Variants in ATP2B2 observed in about 807,000 individuals in gnomAD.
The protein encoded by ATP2B2 is plasma membrane calcium-transporting ATPase 2.
A neutral mutation model predicts 120.0 loss-of-function variants in ATP2B2; 15 were observed. That is an observed-to-expected ratio of 0.12 (90% confidence interval 0.08 to 0.19). The LOEUF (loss-of-function observed/expected upper bound fraction) is 0.19, where lower values mean the gene tolerates loss of function less well. Among genes scored for constraint, ATP2B2 ranks in the 10% least tolerant of loss-of-function variants. The pLI is 1.00. For synonymous variants in ATP2B2, 694 were observed against 700.3 expected, an observed-to-expected ratio of 0.99 and a Z score of 0.14; for missense variants, 1,045 against 1,719.8, an observed-to-expected ratio of 0.61 and a Z score of 6.94.
chr3:10,608,042 C>T (rs1283785640), intron 2 of ATP2B2, among the ~76,000 whole-genome samples: 1 of 152,254 alleles, frequency 6.6e-6, no homozygotes, highest in Non-Finnish European at 1.5e-5. Context: ...ATCCCTGACA[C>T]TTCCTTTTCC....
chr3:10,478,717 T>C (rs988770849), intron 1 of ATP2B2, among the ~76,000 whole-genome samples: 1 of 152,186 alleles, frequency 6.6e-6, no homozygotes, highest in African/African-American at 2.4e-5. Context: ...TTGAAACCCA[T>C]AATTTCCCTG....
At chr3:10,693,726 C>T (rs1268970535) in intron 1 of ATP2B2, among the ~76,000 whole-genome samples, 1 of 152,218 alleles carries the variant, frequency 6.6e-6, no homozygotes. Context: ...AATGCAAACT[C>T]CACGAGGACA....
At chr3:10,377,296 C>T (rs1439659086) in intron 10 of ATP2B2, among the ~76,000 whole-genome samples, 4 of 152,176 alleles carry the variant, frequency 2.6e-5, no homozygotes, top group Admixed American at 1.3e-4. Context: ...GCCTCAGAGC[C>T]GGCTCCATCC....
intron 1 of ATP2B2, among the ~76,000 whole-genome samples, chr3:10,481,584 C>T (rs528407778): frequency 3.3e-5 from 5 of 152,272 alleles, no homozygotes; most frequent in African/African-American, 4.8e-5. Flanking sequence ...GACACAGTCT[C>T]GCTCCGTTAC....
At chr3:10,578,484 T>A (rs1271373967) in intron 2 of ATP2B2, among the ~76,000 whole-genome samples, 1 of 150,622 alleles carries the variant, frequency 6.6e-6, no homozygotes, top group Admixed American at 6.6e-5. Flanking sequence ...GAGGTGGAGG[T>A]TGCAGTTAGC....
intron 1 of ATP2B2, among the ~76,000 whole-genome samples, chr3:10,497,147 C>T (rs950978960): frequency 6.6e-5 from 10 of 152,226 alleles, no homozygotes; most frequent in African/African-American, 9.7e-5. Flanking sequence ...AAGACAGAAA[C>T]GACTTCTAAT....
At chr3:10,537,276 T>A (rs894977986) in intron 2 of ATP2B2, among the ~76,000 whole-genome samples, 1 of 152,220 alleles carries the variant, frequency 6.6e-6, no homozygotes, top group South Asian at 2.1e-4. Context: ...GAGATTTTGA[T>A]AGAAATTGCA....
intron 2 of ATP2B2, among the ~76,000 whole-genome samples, chr3:10,617,292 G>C (rs1028290571): frequency 2.0e-5 from 3 of 152,106 alleles, no homozygotes; most frequent in Non-Finnish European, 2.9e-5. Context: ...CCACTCTCAG[G>C]GGTATAACAA....
intron 1 of ATP2B2, among the ~76,000 whole-genome samples, chr3:10,680,702 C>T (rs967160917): frequency 3.9e-5 from 6 of 152,206 alleles, no homozygotes; most frequent in African/African-American, 1.4e-4. Flanking sequence ...ACCTTTTACA[C>T]ATTCGTCCTG....
At chr3:10,609,896 C>A (rs1319667480) in intron 2 of ATP2B2, among the ~76,000 whole-genome samples, 1 of 152,084 alleles carries the variant, frequency 6.6e-6, no homozygotes, top group Non-Finnish European at 1.5e-5. Context: ...AGCTCCCTCT[C>A]TCCCATCCTC....
Position 10,342,620 on chromosome 3 carries a change from C to T in ATP2B2, c.2917+132G>A. 1 of 1,113,430 alleles carries T rather than the reference C, an allele frequency of 9.0e-7. No individual in the cohort carries two copies. The highest frequency in any genetic ancestry group is 1.3e-6 in the Non-Finnish European group (1 of 758,642). 69.0% of individuals were successfully genotyped at this position (1,113,430 alleles called of 1,614,324 possible). A position where few individuals can be genotyped will look rare whatever the true frequency, so the allele number is the denominator to read the frequency against. Reference sequence around the variant, plus strand: ...TGTGACCTTGGGCAACTTACTTGACCTCCCTGGGCCTCAATTTCCCCATTA... The same window carrying T: ...TGTGACCTTGGGCAACTTACTTGACTTCCCTGGGCCTCAATTTCCCCATTA... On this transcript the variant is annotated intron_variant, in intron 19 of 22. Coordinates refer to ENST00000360273, the MANE Select transcript of ATP2B2 (RefSeq NM_001001331.4). This position sits in a 1 kb window ranked among gnomAD's most constrained non-coding sequence, Gnocchi z 4.4.
chr3:10,378,031 G>A (rs1055981302), intron 10 of ATP2B2, among the ~76,000 whole-genome samples: 2 of 152,242 alleles, frequency 1.3e-5, no homozygotes, highest in Non-Finnish European at 2.9e-5. Context: ...CCAGAGCCTT[G>A]GATTTGCTCG....
At chr3:10,611,034 T>C (rs1424559673) in intron 2 of ATP2B2, among the ~76,000 whole-genome samples, 4 of 152,164 alleles carry the variant, frequency 2.6e-5, no homozygotes, top group Admixed American at 6.5e-5. Context: ...TTTTCACAGA[T>C]GAGAAACCAG....
chr3:10,550,110 A>G (rs2067636631), intron 2 of ATP2B2, among the ~76,000 whole-genome samples: 1 of 152,268 alleles, frequency 6.6e-6, no homozygotes, highest in African/African-American at 2.4e-5. Flanking sequence ...ACTTAGCCCA[A>G]GGGAGTCTCT....
At chr3:10,383,010 T>G (rs2061575819) in intron 8 of ATP2B2, among the ~76,000 whole-genome samples, 1 of 151,950 alleles carries the variant, frequency 6.6e-6, no homozygotes, top group Non-Finnish European at 1.5e-5. Context: ...CAGATTCTCC[T>G]TCAGTTGGTC....
intron 3 of ATP2B2, among the ~76,000 whole-genome samples, chr3:10,404,814 G>A (rs1051025336): frequency 4.6e-5 from 7 of 152,188 alleles, no homozygotes; most frequent in Admixed American, 2.0e-4. Flanking sequence ...ATATGGAAAC[G>A]CATTTTCTTG....
intron 1 of ATP2B2, among the ~76,000 whole-genome samples, chr3:10,467,101 A>AT (rs1312821824): frequency 6.6e-6 from 1 of 152,244 alleles, no homozygotes; most frequent in African/African-American, 2.4e-5. Context: ...CTGACTTGTG[A>AT]TAAGTCTTTG....
At chr3:10,606,964 GAGAGAGAGAGAGAGAAAGAA>G (rs1352836260) in intron 2 of ATP2B2, among the ~76,000 whole-genome samples, 2,132 of 78,294 alleles carry the variant, frequency 0.027, 54 homozygotes, top group African/African-American at 0.094. Context: ...GAGGGGGGGA[GAGAGAGAGAGAGAGAAAGAA>G]AGAGAGAGAG....
intron 1 of ATP2B2, among the ~76,000 whole-genome samples, chr3:10,659,123 C>T (rs571201770): frequency 1.8e-4 from 27 of 152,166 alleles, no homozygotes; most frequent in Non-Finnish European, 3.4e-4. Flanking sequence ...ACAACTGGTT[C>T]CAGCCACTGC....
Sources: gnomAD v4.1 joint callset for allele counts (sites outside exome capture counted in the v4.1 genomes callset) on GRCh38, gnomAD v4.1.1 for gene constraint, Gnocchi (gnomAD v3.1) non-coding constraint, MANE v1.5 for transcripts, NCBI Gene and HGNC (gene_info 2026-07-23, HGNC 2026-07-21) for gene names.